Variants in SPAG5 observed in about 807,000 individuals in gnomAD.
SPAG5 encodes sperm associated antigen 5.
In SPAG5, 99 loss-of-function variants were observed where a neutral mutation model predicts 145.4. The observed-to-expected ratio is 0.68, with a 90% CI of 0.58 to 0.80. The LOEUF (loss-of-function observed/expected upper bound fraction) is 0.80. Ranked by LOEUF, SPAG5 falls within the 30% of genes least tolerant of loss-of-function variation. The pLI is 0.00. For missense variants in SPAG5, 1,192 were observed against 1,416.0 expected, an observed-to-expected ratio of 0.84 and a Z score of 2.54; for synonymous variants, 477 against 525.4, an observed-to-expected ratio of 0.91 and a Z score of 1.26.
rs1022456851 is a variant in SPAG5, at chr17:28,585,924, G to C, written c.1680C>G (p.Leu560=). ...LKKLRAKLQS[L]KAEREEARHR... ...GCCTTGCCTCCTCCCTTTCTGCTTT[G>C]AGGCTCTGGAGCTTTGCCCTCAATT... Residue 560 remains leucine, a synonymous_variant, in exon 7 of 24, where the codon CTC becomes CTG. Transcript: ENST00000321765. The C allele has an allele frequency of 6.2e-7, 1 of 1,614,048 alleles. No individual in the cohort carries two copies. Among genetic ancestry groups the C allele is most frequent in the Admixed American group, 1.7e-5 (1 of 60,004 alleles).
intron 2 of SPAG5, among the ~76,000 whole-genome samples, chr17:28,594,656 C>T (rs150216154): frequency 1.3e-5 from 2 of 151,994 alleles, no homozygotes; most frequent in Non-Finnish European, 2.9e-5. Context: ...GTGGATGAAA[C>T]AAAACCAAGG....
At chr17:28,580,307 A>G in intron 15 of SPAG5, 187 bp from the exon 16 acceptor site, 1 of 387,156 alleles carries the variant, frequency 2.6e-6, no homozygotes. Context: ...CAAAAACAGC[A>G]GTATTTTAAA....
At chr17:28,594,966 A>T (rs1284797184) in intron 2 of SPAG5, among the ~76,000 whole-genome samples, 1 of 151,968 alleles carries the variant, frequency 6.6e-6, no homozygotes, top group African/African-American at 2.4e-5. Context: ...TCTCAAAAAA[A>T]AAAATAAAAA....
At position 28,586,142 on chromosome 17, in the gene SPAG5, A is replaced by G. The variant is rs1348734602; in HGVS notation, c.1553T>C (p.Leu518Pro). Residue 518 changes from leucine to proline, a missense_variant, in exon 6 of 24, where the codon CTT becomes CCT. Physicochemically the swap from Leu to Pro is moderately conservative, Grantham distance 98. This residue lies in a region of SPAG5 where 709 missense variants were observed against 840.7 expected (regional missense o/e 0.84). Coordinates refer to ENST00000321765, the MANE Select transcript of SPAG5 (RefSeq NM_006461.4). ...TTCTAAATGCAACAGGGATAGGTGAAGCAAGGATATCAGCTCTTTAGAGAT... is the reference window on the plus strand; with the variant it reads ...TTCTAAATGCAACAGGGATAGGTGAGGCAAGGATATCAGCTCTTTAGAGAT... ...VLISKELISL[L>P]HLSLLHLEED... 6.2e-7 allele frequency: 1 copy of G among 1,614,104 alleles called. No homozygotes were observed. The highest frequency in any genetic ancestry group is 1.3e-5 in the African/African-American group (1 of 74,948).
At chr17:28,579,867 C>T in intron 16 of SPAG5, 30 bp from the exon 17 acceptor site, 1 of 1,600,314 alleles carries the variant, frequency 6.2e-7, no homozygotes, top group Non-Finnish European at 8.6e-7. Context: ...TGGGAGAGGG[C>T]CCCTCTGATG....
intron 4 of SPAG5, 41 bp from the exon 5 acceptor site, chr17:28,586,540 G>A: frequency 1.3e-6 from 2 of 1,539,488 alleles, no homozygotes; most frequent in Non-Finnish European, 1.8e-6. Flanking sequence ...TTGTTTGTTT[G>A]TTTGTTTTTG....
intron 2 of SPAG5, among the ~76,000 whole-genome samples, chr17:28,595,290 AGT>A (rs143277490): frequency 2.3e-4 from 34 of 148,276 alleles, no homozygotes; most frequent in Middle Eastern, 3.5e-3. Context: ...TATAAAGATG[AGT>A]GTGTGTGTGT....
chr17:28,595,787 C>CG (rs2151523881), intron 2 of SPAG5, among the ~76,000 whole-genome samples: 1 of 148,804 alleles, frequency 6.7e-6, no homozygotes, highest in South Asian at 2.2e-4. Flanking sequence ...GGCTCACGCC[C>CG]GTAATCCCAG....
rs775689464 is a variant in SPAG5 at position 28,579,409 on chromosome 17, T to A, written c.2961A>T (p.Leu987=). The change falls in exon 18 of 24, where the codon CTA becomes CTT. Residue 987 remains leucine (L), a synonymous_variant. Coordinates refer to ENST00000321765, the MANE Select transcript of SPAG5 (RefSeq NM_006461.4). ...TTELQSLCSL[L]QESKEEAIRT... is the part of the protein sequence containing the mutation. The stretch of plus-strand genomic sequence containing the variant: ...TGATGGCTTCTTCTTTAGACTCTTG[T>A]AGCAGGGAACAAAGACTCTGAAGCT... The A allele has an allele frequency of 4.3e-6, 7 of 1,614,206 alleles. No homozygotes were observed. Among genetic ancestry groups the A allele is most frequent in the Non-Finnish European group, 5.9e-6 (7 of 1,180,024 alleles).
intron 4 of SPAG5, among the ~76,000 whole-genome samples, chr17:28,590,133 C>T (rs546493931): frequency 6.6e-6 from 1 of 152,252 alleles, no homozygotes; most frequent in Non-Finnish European, 1.5e-5. Flanking sequence ...AATTGGGAAT[C>T]ACCTATTAAT....
chr17:28,580,093 T>C lies in SPAG5; in HGVS notation c.2713A>G (p.Thr905Ala). ...TGTTCCTGGGTGGGAGGACAGGCTG[T>C]ACTCAGCAGAAGGGTCTCTTGTTCA... ...KTEQETLLLS[T>A]ACPPTQEHPL... Residue 905 changes from threonine (T) to alanine (A), a missense_variant, in exon 16 of 24, where the codon ACA (threonine) becomes GCA (alanine). Physicochemically the swap from Thr to Ala is moderately conservative, Grantham distance 58. Coordinates refer to ENST00000321765, the MANE Select transcript of SPAG5 (RefSeq NM_006461.4). 2 of 1,614,002 alleles carry C rather than the reference T, an allele frequency of 1.2e-6. No individual in the cohort carries two copies. The highest frequency in any genetic ancestry group is 1.7e-6 in the Non-Finnish European group (2 of 1,179,938).
chr17:28,578,685 C>G lies in SPAG5; in HGVS notation c.3185G>C (p.Ser1062Thr), dbSNP rs774464561. 2 of 1,614,082 alleles carry G rather than the reference C, an allele frequency of 1.2e-6. No homozygotes were observed. The highest frequency in any genetic ancestry group is 1.7e-6 in the Non-Finnish European group (2 of 1,179,918). Residue 1062 changes from serine (S) to threonine (T), a missense_variant, in exon 20 of 24, where the codon AGT becomes ACT. By Grantham distance (58) the Ser-to-Thr change is moderately conservative (BLOSUM62 1). Coordinates refer to ENST00000321765, the MANE Select transcript of SPAG5 (RefSeq NM_006461.4). ...TGGTGAACATACTATGAGCTCGCCA[C>G]TCTTGTCTATCTGTTCTAGGATCTT... Reference protein sequence around the residue: ...NEKILEQIDKSGELISLREEV... With the variant: ...NEKILEQIDKTGELISLREEV...
chr17:28,578,999 A>T, intron 19 of SPAG5, 142 bp downstream of exon 19: 1 of 719,814 alleles, frequency 1.4e-6, no homozygotes, highest in Non-Finnish European at 2.3e-6. Context: ...GACATGTGAA[A>T]TGTCTGACCC....
At position 28,584,645 on chromosome 17, in the gene SPAG5, C is replaced by A. The variant is rs2070571477; in HGVS notation, c.2161+7G>T. 1 of 1,611,064 alleles carries A rather than the reference C, an allele frequency of 6.2e-7. No homozygotes were observed. Among genetic ancestry groups the A allele is most frequent in the African/African-American group, 1.3e-5 (1 of 74,986 alleles). ...ATGCATGCATACACACACACACACA[C>A]AAACACCTGTTGCTAGACGACTGTT... is the stretch of plus-strand genomic sequence containing the variant. On this transcript the variant is annotated splice_region_variant and intron_variant, in intron 11 of 23. Coordinates refer to ENST00000321765, the MANE Select transcript of SPAG5 (RefSeq NM_006461.4).
At chr17:28,590,866 C>T (rs985572708) in intron 4 of SPAG5, among the ~76,000 whole-genome samples, 1 of 71,086 alleles carries the variant, frequency 1.4e-5, no homozygotes, top group African/African-American at 5.5e-5. Flanking sequence ...GAGACTCCGT[C>T]TCAAAAAAAA....
intron 4 of SPAG5, among the ~76,000 whole-genome samples, chr17:28,589,867 G>A (rs770040365): frequency 1.1e-4 from 16 of 152,232 alleles, no homozygotes; most frequent in Admixed American, 9.2e-4. Flanking sequence ...AGCCCTGATC[G>A]CAACATGGTA....
At chr17:28,579,318 G>A in intron 18 of SPAG5, 47 bp downstream of exon 18, 2 of 1,613,820 alleles carry the variant, frequency 1.2e-6, no homozygotes, top group Non-Finnish European at 8.5e-7. Context: ...CTTGGCATAA[G>A]AGGATGTCTC....
chr17:28,580,568 T>G (rs2151519479), intron 15 of SPAG5: 1 of 152,548 alleles, frequency 6.6e-6, no homozygotes, highest in Non-Finnish European at 1.5e-5. Context: ...AATGCATATA[T>G]TTCAGCTCTT....
chr17:28,583,193 G>A (rs148345297), intron 15 of SPAG5, among the ~76,000 whole-genome samples: 4 of 152,272 alleles, frequency 2.6e-5, no homozygotes, highest in Non-Finnish European at 5.9e-5. Flanking sequence ...TGCCCAGGTC[G>A]GAAGGGAGGA....
Sources: gnomAD v4.1 joint callset for allele counts (sites outside exome capture counted in the v4.1 genomes callset) on GRCh38, gnomAD v4.1.1 for gene constraint, gnomAD v4.1.1 regional missense constraint, MANE v1.5 for transcripts, NCBI Gene and HGNC (gene_info 2026-07-23, HGNC 2026-07-21) for gene names.